The following LSAMP variants were observed in gnomAD, a reference collection of about 807,000 sequenced individuals.
LSAMP encodes limbic system-associated membrane protein.
In LSAMP, 7 loss-of-function variants were observed where a neutral mutation model predicts 38.6. That is an observed-to-expected ratio of 0.18 (90% CI 0.10 to 0.34). The LOEUF (loss-of-function observed/expected upper bound fraction) is 0.34. Among genes scored for constraint, LSAMP ranks in the 10% least tolerant of loss-of-function variants. LSAMP has a pLI of 1.00. For missense variants in LSAMP, 313 were observed against 420.0 expected (o/e 0.75, Z 2.23); for synonymous variants, 154 against 166.8 (o/e 0.92, Z 0.59).
intron 3 of LSAMP, among the ~76,000 whole-genome samples, chr3:115,982,031 GT>G (rs1939375014): frequency 1.3e-5 from 2 of 152,032 alleles, no homozygotes; most frequent in Admixed American, 1.3e-4. Flanking sequence ...TGGTCAAAAT[GT>G]TTTTCTTTAC....
chr3:115,880,299 G>A (rs113779279), intron 3 of LSAMP, among the ~76,000 whole-genome samples: 12 of 152,220 alleles, frequency 7.9e-5, no homozygotes, highest in African/African-American at 2.6e-4. Context: ...ATGTTATAGA[G>A]AAACTCCCCA....
intron 1 of LSAMP, among the ~76,000 whole-genome samples, chr3:116,115,318 A>G (rs1156863401): frequency 6.6e-6 from 1 of 152,250 alleles, no homozygotes; most frequent in Non-Finnish European, 1.5e-5. Flanking sequence ...AATTCTCACA[A>G]CAGCCTATGT....
intron 1 of LSAMP, among the ~76,000 whole-genome samples, chr3:116,210,485 T>C (rs1470846088): frequency 6.6e-6 from 1 of 152,222 alleles, no homozygotes; most frequent in Non-Finnish European, 1.5e-5. Context: ...TTTTGGACTC[T>C]TGAACTTACA....
intron 1 of LSAMP, among the ~76,000 whole-genome samples, chr3:116,347,524 G>T (rs1245761864): frequency 1.3e-5 from 2 of 151,990 alleles, no homozygotes; most frequent in African/African-American, 4.8e-5. Context: ...TCTTGTACTA[G>T]CTAGTTCAGT....
chr3:115,967,212 G>A (rs1290152565), intron 3 of LSAMP, among the ~76,000 whole-genome samples: 1 of 152,112 alleles, frequency 6.6e-6, no homozygotes. Context: ...TCTTCCACTA[G>A]CTACCTTAAA....
chr3:115,919,842 C>A (rs1265776748), intron 3 of LSAMP, among the ~76,000 whole-genome samples: 1 of 152,124 alleles, frequency 6.6e-6, no homozygotes, highest in African/African-American at 2.4e-5. Context: ...AAACGCCTGA[C>A]CTCAGGTGAT....
intron 3 of LSAMP, among the ~76,000 whole-genome samples, chr3:115,954,358 G>C (rs757655436): frequency 6.6e-6 from 1 of 152,144 alleles, no homozygotes; most frequent in Non-Finnish European, 1.5e-5. Context: ...ACTTAGCTCT[G>C]TGAGATCATC....
chr3:115,886,626 C>T (rs1936460996), intron 3 of LSAMP, among the ~76,000 whole-genome samples: 1 of 151,924 alleles, frequency 6.6e-6, no homozygotes. Context: ...GCTTTCACTT[C>T]TGACTTTAGT....
At chr3:116,357,727 C>A (rs367656796) in intron 1 of LSAMP, among the ~76,000 whole-genome samples, 15 of 152,080 alleles carry the variant, frequency 9.9e-5, no homozygotes, top group African/African-American at 3.4e-4. Context: ...GGTTTACAAC[C>A]ATTGAGCCCA....
chr3:116,018,604 A>T (rs532685236), intron 3 of LSAMP, among the ~76,000 whole-genome samples: 1 of 152,328 alleles, frequency 6.6e-6, no homozygotes, highest in African/African-American at 2.4e-5. Context: ...TTTCTGGAAG[A>T]TTTAAATAGA....
chr3:116,386,637 T>A (rs78678269), intron 1 of LSAMP, among the ~76,000 whole-genome samples: 2,641 of 152,216 alleles, frequency 0.017, 87 homozygotes, highest in African/African-American at 0.061. Flanking sequence ...CACACTTGGA[T>A]AACTTTCATA....
At chr3:116,029,399 G>A (rs1050037563) in intron 2 of LSAMP, among the ~76,000 whole-genome samples, 9 of 152,104 alleles carry the variant, frequency 5.9e-5, no homozygotes, top group Admixed American at 2.6e-4. Flanking sequence ...TTCTTTGAGT[G>A]TCAGGTGAAG....
intron 3 of LSAMP, among the ~76,000 whole-genome samples, chr3:115,906,270 T>C (rs1333605538): frequency 1.3e-5 from 2 of 152,296 alleles, no homozygotes; most frequent in Non-Finnish European, 2.9e-5. Context: ...TTATGCCGTT[T>C]CATCTATCTG....
At chr3:116,250,230 G>A (rs965705481) in intron 1 of LSAMP, among the ~76,000 whole-genome samples, 1 of 152,074 alleles carries the variant, frequency 6.6e-6, no homozygotes, top group Non-Finnish European at 1.5e-5. Flanking sequence ...TCATTGTATT[G>A]TTATCTTTCC....
chr3:115,864,857 A>G (rs1175564364), intron 3 of LSAMP, among the ~76,000 whole-genome samples: 1 of 152,216 alleles, frequency 6.6e-6, no homozygotes, highest in Non-Finnish European at 1.5e-5. Context: ...TTTTTCTAAT[A>G]TAAATAGCAC....
chr3:116,272,149 A>AAT (rs148831827), intron 1 of LSAMP, among the ~76,000 whole-genome samples: 11,188 of 150,486 alleles, frequency 0.074, 1,292 homozygotes, highest in African/African-American at 0.25. Flanking sequence ...TAAACAAATA[A>AAT]ATATATATAT....
intron 2 of LSAMP, among the ~76,000 whole-genome samples, chr3:116,035,592 C>CA (rs567694604): frequency 7.1e-4 from 108 of 152,064 alleles, no homozygotes; most frequent in African/African-American, 2.5e-3. Flanking sequence ...CTAATTGATG[C>CA]AAAAAAACAA....
intron 1 of LSAMP, among the ~76,000 whole-genome samples, chr3:116,426,100 T>C (rs971242438): frequency 6.6e-6 from 1 of 152,086 alleles, no homozygotes; most frequent in Non-Finnish European, 1.5e-5. Context: ...AGAATATAAA[T>C]AGTTGTGAAA....
chr3:116,109,876 CG>C (rs1420912495), intron 1 of LSAMP, among the ~76,000 whole-genome samples: 7 of 142,268 alleles, frequency 4.9e-5, no homozygotes, highest in Admixed American at 4.2e-4. Context: ...GAAGGGGGGT[CG>C]GGGCATGGAA....
Sources: gnomAD v4.1 joint callset for allele counts (sites outside exome capture counted in the v4.1 genomes callset) on GRCh38, gnomAD v4.1.1 for gene constraint, MANE v1.5 for transcripts, NCBI Gene and HGNC (gene_info 2026-07-23, HGNC 2026-07-21) for gene names.